The following NAV1 variants were observed in gnomAD, a reference collection of about 807,000 sequenced individuals.
The protein encoded by NAV1 is pore membrane and/or filament interacting like protein 3.
A neutral mutation model predicts 175.2 loss-of-function variants in NAV1; 18 were observed. The ratio of observed to expected loss-of-function variants is 0.10; its 90% CI spans 0.07 to 0.15. The LOEUF (loss-of-function observed/expected upper bound fraction) is 0.15. Among genes scored for constraint, NAV1 ranks in the 10% least tolerant of loss-of-function variants. The pLI is 1.00. For synonymous variants in NAV1, 897 were observed against 978.7 expected (o/e 0.92, Z 1.56); for missense variants, 1,731 against 2,436.6 (o/e 0.71, Z 6.10).
chr1:201,689,017 T>C (rs1670791314), intron 1 of NAV1, among the ~76,000 whole-genome samples: 1 of 152,194 alleles, frequency 6.6e-6, no homozygotes, highest in African/African-American at 2.4e-5. Flanking sequence ...TTGTGATCAG[T>C]TATCAAATTA....
intron 1 of NAV1, among the ~76,000 whole-genome samples, chr1:201,667,073 TA>T (rs71689466): frequency 0.3 from 45,123 of 151,988 alleles, 6,991 homozygotes; most frequent in Admixed American, 0.41. Flanking sequence ...CCTCTGATTT[TA>T]ATGGCAAGCC....
At chr1:201,567,588 G>C (rs1183567866) in intron 1 of NAV1, among the ~76,000 whole-genome samples, 2 of 152,206 alleles carry the variant, frequency 1.3e-5, no homozygotes, top group African/African-American at 4.8e-5. Context: ...TCTACTGTGT[G>C]TGTAGACAAT....
In NAV1 at chr1:201,780,576, A is replaced by G. The variant is rs1488824411; in HGVS notation, c.1365+17A>G. On this transcript the variant is annotated intron_variant, in intron 4 of 29. Transcript: ENST00000367296. ...ACAATAGTGGTACGTGAGTTTGCAA[A>G]CACCCAAGCTGCCATCTCAAGATGA... is the stretch of plus-strand genomic sequence containing the variant. The G allele has an allele frequency of 6.2e-7, 1 of 1,613,984 alleles. No homozygotes were observed. The highest frequency in any genetic ancestry group is 8.5e-7 in the Non-Finnish European group (1 of 1,180,012).
At chr1:201,599,826 A>T (rs114645300) in intron 2 of NAV1, among the ~76,000 whole-genome samples, 2,188 of 152,320 alleles carry the variant, frequency 0.014, 52 homozygotes, top group African/African-American at 0.049. Flanking sequence ...TTTAAGCACC[A>T]TAGGCATCTC....
chr1:201,724,516 G>A (rs908547275), intron 3 of NAV1: 6 of 152,336 alleles, frequency 3.9e-5, no homozygotes, highest in African/African-American at 1.4e-4. Flanking sequence ...TGGCAGTAAT[G>A]GATGGGGACT....
At chr1:201,753,699 A>G (rs896166331) in intron 3 of NAV1, among the ~76,000 whole-genome samples, 1 of 152,198 alleles carries the variant, frequency 6.6e-6, no homozygotes, top group African/African-American at 2.4e-5. Flanking sequence ...CACACAAACA[A>G]TTCCACAGCA....
At chr1:201,737,972 T>C (rs996892721) in intron 3 of NAV1, among the ~76,000 whole-genome samples, 10 of 152,056 alleles carry the variant, frequency 6.6e-5, no homozygotes, top group Non-Finnish European at 1.2e-4. Flanking sequence ...AGAGAACTCA[T>C]TGTGCTCACC....
chr1:201,665,602 G>A (rs550703279), intron 1 of NAV1, among the ~76,000 whole-genome samples: 7 of 100,754 alleles, frequency 6.9e-5, no homozygotes, highest in African/African-American at 2.8e-4. Context: ...CCCCCCCACT[G>A]CCCACCACCT....
chr1:201,713,046 C>A, intron 2 of NAV1, 127 bp downstream of exon 6: 1 of 654,586 alleles, frequency 1.5e-6, no homozygotes, highest in Non-Finnish European at 2.8e-6. Context: ...ATGCGTGGAG[C>A]CACTGCAGAA....
chr1:201,815,124 AG>A (rs1288646066), intron 28 of NAV1, among the ~76,000 whole-genome samples: 1 of 152,036 alleles, frequency 6.6e-6, no homozygotes, highest in Non-Finnish European at 1.5e-5. Flanking sequence ...ATGAAATTGT[AG>A]GGTCATGAGG....
chr1:201,600,478 C>A (rs1162913895), intron 2 of NAV1, among the ~76,000 whole-genome samples: 1 of 152,176 alleles, frequency 6.6e-6, no homozygotes, highest in Non-Finnish European at 1.5e-5. Flanking sequence ...ACTCCAAATA[C>A]AGTCTATACT....
Position 201,812,378 on chromosome 1 carries a change from CAGA to C in NAV1, c.5025-84_5025-82del. ...CAAGTAGGCATTAGTGAGAAGCAGG[CAGA>C]AGGAGGGACAGACTGGCAGGGGCTG... On this transcript the variant is annotated intron_variant, in intron 26 of 29. Transcript: ENST00000367296. This position sits in a 1 kb window ranked among gnomAD's most constrained non-coding sequence, Gnocchi z 4.6. 7.6e-7 allele frequency: 1 copy of C among 1,322,516 alleles called. No individual in the cohort carries two copies. Among genetic ancestry groups the C allele is most frequent in the Non-Finnish European group, 1.1e-6 (1 of 936,668 alleles). The allele number at this position is 1,322,516 out of a possible 1,614,324, so 81.9% of individuals were successfully genotyped here.
chr1:201,726,160 G>C (rs1046350358), intron 3 of NAV1, among the ~76,000 whole-genome samples: 10 of 152,034 alleles, frequency 6.6e-5, no homozygotes, highest in Non-Finnish European at 1.5e-4. Context: ...GAAGCACTGG[G>C]CTAATTCTGA....
At chr1:201,550,562 C>T (rs1274123057) in intron 1 of NAV1, among the ~76,000 whole-genome samples, 1 of 152,132 alleles carries the variant, frequency 6.6e-6, no homozygotes, top group Non-Finnish European at 1.5e-5. Context: ...TGAACATATG[C>T]AGAAATTACT....
In NAV1 at chr1:201,786,633, G is replaced by A. The variant is rs561719852; in HGVS notation, c.2995+56G>A. The A allele has an allele frequency of 5.2e-6, 8 of 1,552,574 alleles. No homozygotes were observed. In the Admixed American group the frequency reaches 8.9e-5, roughly 17 times the overall value. ...GGGGTGAAGCAGGGGTCACCCTGCA[G>A]GGTGAGGCAAGGCAGGTGGGCTTTG... On this transcript the variant is annotated intron_variant, in intron 9 of 29. Coordinates refer to ENST00000367296, the Ensembl canonical transcript of NAV1.
intron 13 of NAV1, chr1:201,793,146 C>T (rs75137789): frequency 0.068 from 10,305 of 152,408 alleles, 1,155 homozygotes; most frequent in African/African-American, 0.23. Flanking sequence ...AGCACCTTTC[C>T]GAACTAGCCT....
At chr1:201,556,298 G>A (rs1223417686) in intron 1 of NAV1, among the ~76,000 whole-genome samples, 2 of 151,992 alleles carry the variant, frequency 1.3e-5, no homozygotes, top group Non-Finnish European at 2.9e-5. Context: ...GGTGTCTGTA[G>A]TCCCAGCTAC....
chr1:201,760,724 C>T (rs1674784254), intron 3 of NAV1, among the ~76,000 whole-genome samples: 1 of 152,132 alleles, frequency 6.6e-6, no homozygotes, highest in African/African-American at 2.4e-5. Flanking sequence ...TATGGTGAAT[C>T]TGTGGATTTG....
At chr1:201,726,648 CAAAAAAA>C (rs369489372) in intron 3 of NAV1, among the ~76,000 whole-genome samples, 1 of 110,042 alleles carries the variant, frequency 9.1e-6, no homozygotes, top group Non-Finnish European at 1.9e-5. Context: ...AACTCCATCT[CAAAAAAA>C]AAAAAAAAAA....
Sources: allele counts gnomAD v4.1 joint callset (sites outside exome capture counted in the v4.1 genomes callset), GRCh38; gene constraint gnomAD v4.1.1; non-coding constraint Gnocchi (gnomAD v3.1); transcripts MANE v1.5; gene names NCBI Gene and HGNC (gene_info 2026-07-23, HGNC 2026-07-21).